The following NBEAL1 variants were observed in gnomAD, a reference collection of about 807,000 sequenced individuals.
The protein encoded by NBEAL1 is neurobeachin like 1.
A neutral mutation model predicts 351.3 loss-of-function variants in NBEAL1; 273 were observed. That is an observed-to-expected ratio of 0.78 (90% CI 0.70 to 0.86). The LOEUF (loss-of-function observed/expected upper bound fraction) is 0.86. Among genes scored for constraint, NBEAL1 ranks in the 40% least tolerant of loss-of-function variants. The pLI is 0.00. For missense variants in NBEAL1, 2,961 were observed against 3,201.3 expected (o/e 0.92, Z 1.81); for synonymous variants, 1,050 against 1,086.4 (o/e 0.97, Z 0.66).
chr2:203,151,451 A>G lies in NBEAL1; in HGVS notation c.5463-14A>G. On this transcript the variant is annotated splice_polypyrimidine_tract_variant and intron_variant, in intron 34 of 55. Transcript: ENST00000683969. Reference sequence around the variant, plus strand: ...GCTAAATAATTTTACTTATTTGCTTATGAATATTCTTAGGAAACAGAATCC... The same window carrying G: ...GCTAAATAATTTTACTTATTTGCTTGTGAATATTCTTAGGAAACAGAATCC... 6.4e-6 allele frequency: 10 copies of G among 1,554,700 alleles called. No homozygotes were observed. The highest frequency in any genetic ancestry group is 8.7e-6 in the Non-Finnish European group (10 of 1,149,626).
chr2:203,210,215 T>C (rs951371594), intron 53 of NBEAL1, among the ~76,000 whole-genome samples: 8 of 149,710 alleles, frequency 5.3e-5, no homozygotes, highest in Non-Finnish European at 1.2e-4. Flanking sequence ...ATACAAAAAT[T>C]AGCCGGGCAT....
chr2:203,204,632 C>T (rs1054645675), intron 51 of NBEAL1, among the ~76,000 whole-genome samples: 3 of 152,120 alleles, frequency 2.0e-5, no homozygotes, highest in Non-Finnish European at 4.4e-5. Flanking sequence ...TATTTATTTA[C>T]AGAAATAGGA....
intron 4 of NBEAL1, among the ~76,000 whole-genome samples, chr2:203,051,819 G>T (rs2061328693): frequency 6.6e-6 from 1 of 152,128 alleles, no homozygotes; most frequent in Non-Finnish European, 1.5e-5. Flanking sequence ...ACCAGTCACA[G>T]AACATGTTTC....
intron 29 of NBEAL1, among the ~76,000 whole-genome samples, 192 bp from the exon 30 acceptor site, chr2:203,137,970 G>A (rs1487954394): frequency 1.3e-5 from 2 of 149,322 alleles, no homozygotes; most frequent in Admixed American, 1.4e-4. Flanking sequence ...GGCGACAAGA[G>A]CGATCTCTGC....
chr2:203,190,752 G>A (rs1431148936), intron 46 of NBEAL1: 11 of 1,608,146 alleles, frequency 6.8e-6, no homozygotes, highest in African/African-American at 1.3e-5. Flanking sequence ...CCCGAATCCG[G>A]GTTCATCCAA....
At position 203,062,399 on chromosome 2, in the gene NBEAL1, T is replaced by C. The variant is rs762300118; in HGVS notation, c.515+4946T>C. The stretch of plus-strand genomic sequence containing the variant: ...AGCCACATCCTCAAAAGTCACTGAG[T>C]CCATGTTCCAGCTTCCAGCATGCTC... On this transcript the variant is annotated intron_variant, in intron 6 of 55. Coordinates refer to ENST00000683969, the MANE Select transcript of NBEAL1 (RefSeq NM_001378026.1). This position sits in a 1 kb window ranked among gnomAD's most constrained non-coding sequence, Gnocchi z 4.2. 6 of 439,158 alleles carry C rather than the reference T, an allele frequency of 1.4e-5. No individual in the cohort carries two copies. Among genetic ancestry groups the C allele is most frequent in the Non-Finnish European group, 2.2e-5 (5 of 222,716 alleles). The allele number at this position is 439,158 out of a possible 1,614,324, so 27.2% of individuals were successfully genotyped here. A position where few individuals can be genotyped will look rare whatever the true frequency, so the allele number is the denominator to read the frequency against.
chr2:203,165,907 G>A (rs1429516601), intron 36 of NBEAL1, among the ~76,000 whole-genome samples: 1 of 152,144 alleles, frequency 6.6e-6, no homozygotes, highest in Non-Finnish European at 1.5e-5. Context: ...GCTGGGCATG[G>A]TGGCATGCAC....
At chr2:203,043,932 A>G (rs1300733336) in intron 3 of NBEAL1, among the ~76,000 whole-genome samples, 3 of 152,166 alleles carry the variant, frequency 2.0e-5, no homozygotes, top group African/African-American at 7.2e-5. Context: ...CATGCATGCA[A>G]TACAAATGGA....
intron 12 of NBEAL1, among the ~76,000 whole-genome samples, chr2:203,103,018 T>C (rs1038129416): frequency 7.9e-5 from 12 of 152,208 alleles, no homozygotes; most frequent in South Asian, 2.1e-4. Flanking sequence ...ATTCATTTTC[T>C]TCCTAGTTTG....
chr2:203,027,087 T>C (rs556978063), intron 2 of NBEAL1, among the ~76,000 whole-genome samples: 28 of 152,310 alleles, frequency 1.8e-4, no homozygotes, highest in African/African-American at 6.7e-4. Context: ...GACAATTTTG[T>C]CCTGGTCATT....
At chr2:203,022,607 G>A (rs2060789889) in intron 2 of NBEAL1, among the ~76,000 whole-genome samples, 1 of 152,100 alleles carries the variant, frequency 6.6e-6, no homozygotes, top group African/African-American at 2.4e-5. Flanking sequence ...TTATTTAAAT[G>A]TATTTTAAGA....
chr2:203,131,168 C>G (rs2063062723), intron 25 of NBEAL1, among the ~76,000 whole-genome samples: 1 of 152,126 alleles, frequency 6.6e-6, no homozygotes, highest in Non-Finnish European at 1.5e-5. Context: ...TTTAAGCATA[C>G]CAATTATACA....
chr2:203,137,257 T>G (rs1445554374), intron 29 of NBEAL1, among the ~76,000 whole-genome samples: 1 of 152,250 alleles, frequency 6.6e-6, no homozygotes, highest in East Asian at 1.9e-4. Flanking sequence ...ATAAACTTTC[T>G]TAAAAAATTA....
intron 12 of NBEAL1, among the ~76,000 whole-genome samples, chr2:203,100,058 G>T (rs1053300874): frequency 6.6e-6 from 1 of 152,108 alleles, no homozygotes; most frequent in Non-Finnish European, 1.5e-5. Flanking sequence ...CATCCACATT[G>T]TTGCAAAGGA....
intron 18 of NBEAL1, among the ~76,000 whole-genome samples, chr2:203,119,761 G>C (rs1219279707): frequency 6.6e-6 from 1 of 152,000 alleles, no homozygotes; most frequent in Non-Finnish European, 1.5e-5. Flanking sequence ...GGAGGTTAGT[G>C]ATACATTTTT....
chr2:203,216,257 C>T (rs2065894561), intron 55 of NBEAL1, among the ~76,000 whole-genome samples: 1 of 152,246 alleles, frequency 6.6e-6, no homozygotes, highest in East Asian at 1.9e-4. Flanking sequence ...CTTATGCTCT[C>T]CTTGTTTTCT....
chr2:203,094,552 C>T (rs1435292583), intron 10 of NBEAL1, among the ~76,000 whole-genome samples: 4 of 152,104 alleles, frequency 2.6e-5, no homozygotes, highest in Non-Finnish European at 5.9e-5. Context: ...CTTAAGCTGG[C>T]GGCTGCTGTT....
intron 53 of NBEAL1, among the ~76,000 whole-genome samples, 178 bp downstream of exon 53, chr2:203,209,500 C>T (rs183900135): frequency 1.5e-4 from 23 of 152,280 alleles, no homozygotes; most frequent in Non-Finnish European, 5.9e-5. Flanking sequence ...CAATCGTAGC[C>T]TCACATTAGT....
intron 2 of NBEAL1, among the ~76,000 whole-genome samples, chr2:203,034,933 A>G (rs1430295732): frequency 6.7e-6 from 1 of 149,424 alleles, no homozygotes; most frequent in East Asian, 1.9e-4. Flanking sequence ...TTCAATTCAT[A>G]TTTAAGTTAG....
Sources: allele counts gnomAD v4.1 joint callset (sites outside exome capture counted in the v4.1 genomes callset), GRCh38; gene constraint gnomAD v4.1.1; non-coding constraint Gnocchi (gnomAD v3.1); transcripts MANE v1.5; gene names NCBI Gene and HGNC (gene_info 2026-07-23, HGNC 2026-07-21).